Variants in ARID4B observed in about 807,000 individuals in gnomAD.
The protein encoded by ARID4B is AT-rich interaction domain 4B.
Under a neutral mutation model 147.5 loss-of-function variants are expected in ARID4B, and 26 were observed. The ratio of observed to expected loss-of-function variants is 0.18; its 90% CI spans 0.13 to 0.24. The LOEUF (loss-of-function observed/expected upper bound fraction) is 0.24. Ranked by LOEUF, ARID4B falls within the 10% of genes least tolerant of loss-of-function variation. ARID4B has a pLI of 1.00. For missense variants in ARID4B, 1,179 were observed against 1,511.5 expected (o/e 0.78, Z 3.65); for synonymous variants, 512 against 507.9 (o/e 1.01, Z -0.11).
chr1:235,324,644 T>C (rs1675094725), intron 2 of ARID4B, among the ~76,000 whole-genome samples: 1 of 152,206 alleles, frequency 6.6e-6, no homozygotes, highest in South Asian at 2.1e-4. Flanking sequence ...ATCATCGTAA[T>C]ACAGAAATTA....
chr1:235,238,153 A>AAAAAAAAAAAAAAAGAAAAG (rs61179792), intron 8 of ARID4B, among the ~76,000 whole-genome samples: 8 of 141,754 alleles, frequency 5.6e-5, no homozygotes, highest in Non-Finnish European at 9.0e-5. Context: ...CAAAAAAAAA[A>AAAAAAAAAAAAAAAGAAAAG]AAAAGAAAAG....
intron 17 of ARID4B, among the ~76,000 whole-genome samples, chr1:235,202,110 T>A (rs1665982935): frequency 6.6e-6 from 1 of 151,344 alleles, no homozygotes; most frequent in African/African-American, 2.4e-5. Flanking sequence ...GAATTATGAT[T>A]ACAAATCATA....
At chr1:235,180,020 A>G (rs1187224185) in intron 20 of ARID4B, 1 of 151,632 alleles carries the variant, frequency 6.6e-6, no homozygotes, top group African/African-American at 2.4e-5. Context: ...CAGTGAGCCC[A>G]GATCACACCA....
chr1:235,216,661 A>G (rs1667107509), intron 16 of ARID4B, among the ~76,000 whole-genome samples: 1 of 152,146 alleles, frequency 6.6e-6, no homozygotes. Flanking sequence ...AAATATTAAC[A>G]ATGTTATTGA....
intron 22 of ARID4B, among the ~76,000 whole-genome samples, chr1:235,173,910 C>T (rs1663653186): frequency 6.8e-6 from 1 of 147,648 alleles, no homozygotes; most frequent in African/African-American, 2.5e-5. Flanking sequence ...ATAGTGAACC[C>T]CATGTACTCA....
chr1:235,167,960 G>A lies in ARID4B; in HGVS notation c.*565C>T. 5.1e-6 allele frequency: 1 copy of A among 196,948 alleles called. No homozygotes were observed. Among genetic ancestry groups the A allele is most frequent in the East Asian group, 8.0e-5 (1 of 12,488 alleles). The allele number at this position is 196,948 out of a possible 1,614,324, so 12.2% of individuals were successfully genotyped here. On this transcript the variant is annotated 3_prime_UTR_variant, in exon 24 of 24. Transcript: ENST00000264183. ...AAACATGTTCAGTCTTTTTTAAAGA[G>A]AATCTTTAATATTTGGTTACCAGGA...
At chr1:235,171,709 C>T (rs919946099) in intron 23 of ARID4B, among the ~76,000 whole-genome samples, 4 of 151,862 alleles carry the variant, frequency 2.6e-5, no homozygotes, top group Admixed American at 2.6e-4. Flanking sequence ...GCATGATCTC[C>T]GTTCACTGCA....
chr1:235,272,924 A>G (rs188515732), intron 2 of ARID4B, among the ~76,000 whole-genome samples: 6 of 152,352 alleles, frequency 3.9e-5, no homozygotes, highest in Admixed American at 1.3e-4. Flanking sequence ...GCAGCTAAGC[A>G]GCTAAGCTTA....
At chr1:235,193,439 G>C (rs1665264750) in intron 19 of ARID4B, among the ~76,000 whole-genome samples, 1 of 152,184 alleles carries the variant, frequency 6.6e-6, no homozygotes, top group Non-Finnish European at 1.5e-5. Context: ...GACAAACAAA[G>C]TTTGGTGTTC....
At chr1:235,326,696 G>T in intron 2 of ARID4B, 1 of 576,948 alleles carries the variant, frequency 1.7e-6, no homozygotes, top group Non-Finnish European at 3.2e-6. Flanking sequence ...GTTCAATATG[G>T]GAGAATCATC....
rs991988963 is a variant in ARID4B, at chr1:235,253,627, A to T, written c.275-818T>A. On this transcript the variant is annotated intron_variant, in intron 5 of 23. Transcript: ENST00000264183. ...TATATCTCAATAAAGTAGGGGAAAAATTTTAATAAAAATAAAGTACTTAAA... is the reference window on the plus strand; with the variant it reads ...TATATCTCAATAAAGTAGGGGAAAATTTTTAATAAAAATAAAGTACTTAAA... Among the ~76,000 whole-genome samples the T allele has an allele frequency of 2.0e-5, 3 of 152,178 alleles. 1 individual carries two copies. Among genetic ancestry groups the T allele is most frequent in the South Asian group, 4.1e-4 (2 of 4,826 alleles).
At chr1:235,235,752 T>C (rs1558232114) in intron 8 of ARID4B, among the ~76,000 whole-genome samples, 1 of 152,092 alleles carries the variant, frequency 6.6e-6, no homozygotes, top group Non-Finnish European at 1.5e-5. Flanking sequence ...GCATGAGCCA[T>C]GGAATCTAAG....
At chr1:235,311,791 C>A (rs1009916651) in intron 2 of ARID4B, among the ~76,000 whole-genome samples, 2 of 151,498 alleles carry the variant, frequency 1.3e-5, no homozygotes, top group African/African-American at 4.9e-5. Context: ...AAAAACAAAA[C>A]AAACAAACAA....
At chr1:235,310,725 T>C (rs552655097) in intron 2 of ARID4B, among the ~76,000 whole-genome samples, 1 of 152,312 alleles carries the variant, frequency 6.6e-6, no homozygotes, top group African/African-American at 2.4e-5. Flanking sequence ...TGGAGTACAG[T>C]GGCTGCAATC....
chr1:235,320,660 C>T (rs1469380110), intron 2 of ARID4B, among the ~76,000 whole-genome samples: 1 of 152,194 alleles, frequency 6.6e-6, no homozygotes, highest in Admixed American at 6.5e-5. Flanking sequence ...TCCTATAAGG[C>T]CCTACAATTG....
At chr1:235,245,070 G>A (rs1442515755) in intron 7 of ARID4B, among the ~76,000 whole-genome samples, 1 of 152,124 alleles carries the variant, frequency 6.6e-6, no homozygotes, top group Non-Finnish European at 1.5e-5. Context: ...AGATGGAGCA[G>A]GTCTTCATTC....
At chr1:235,309,688 T>C (rs1673906846) in intron 2 of ARID4B, among the ~76,000 whole-genome samples, 2 of 151,364 alleles carry the variant, frequency 1.3e-5, no homozygotes, top group South Asian at 4.2e-4. Flanking sequence ...AACAGCTCAT[T>C]GAGAACGGGC....
At position 235,213,987 on chromosome 1, in the gene ARID4B, T is replaced by C. The variant is rs1427660527; in HGVS notation, c.1623A>G (p.Glu541=). The change falls in exon 17 of 24, where the codon GAA becomes GAG. Residue 541 remains glutamate, a synonymous_variant. Transcript: ENST00000264183. ...TNKEEDEDDE[E]AEEEEEEEEE... ...CTTCCTCCTCCTCCTCCTCTTCTGC[T>C]TCTTCATCATCTTCATCTTCTTCTT... The C allele has an allele frequency of 2.5e-6, 4 of 1,592,330 alleles. No individual in the cohort carries two copies. The highest frequency in any genetic ancestry group is 1.7e-6 in the Non-Finnish European group (2 of 1,160,622).
At chr1:235,240,238 CATT>C in intron 8 of ARID4B, 72 bp downstream of exon 8, 2 of 1,328,298 alleles carry the variant, frequency 1.5e-6, no homozygotes, top group South Asian at 3.0e-5. Flanking sequence ...CTATGAAAAA[CATT>C]AGTAAGAAAA....
Sources: gnomAD v4.1 joint callset for allele counts (sites outside exome capture counted in the v4.1 genomes callset) on GRCh38, gnomAD v4.1.1 for gene constraint, MANE v1.5 for transcripts, NCBI Gene and HGNC (gene_info 2026-07-23, HGNC 2026-07-21) for gene names.